Variants in VOPP1 observed in about 807,000 individuals in gnomAD.
VOPP1 encodes the protein WW domain binding protein VOPP1.
Under a neutral mutation model 23.5 loss-of-function variants are expected in VOPP1, and 8 were observed. The observed-to-expected ratio is 0.34, with a 90% CI of 0.20 to 0.61. The LOEUF is 0.61. VOPP1 is among the 20% of genes least tolerant of loss of function. The pLI is 0.78. For synonymous variants in VOPP1, 83 were observed against 97.3 expected (o/e 0.85, Z 0.86); for missense variants, 174 against 238.1 (o/e 0.73, Z 1.77).
At chr7:55,532,703 T>C (rs1796566519) in intron 1 of VOPP1, among the ~76,000 whole-genome samples, 1 of 152,212 alleles carries the variant, frequency 6.6e-6, no homozygotes, top group Non-Finnish European at 1.5e-5. Context: ...GCTCCTCCCC[T>C]TTCCATGGAA....
chr7:55,492,142 C>G (rs1331014991), intron 4 of VOPP1, 140 bp downstream of exon 4: 1 of 1,208,740 alleles, frequency 8.3e-7, no homozygotes, highest in Admixed American at 3.2e-5. Context: ...CACAATGGAG[C>G]TGGTCATCAG....
rs1791937162 is a variant in VOPP1, at chr7:55,472,943, G to A, written c.431C>T (p.Ser144Leu). ...MAMAFQVPPN[S>L]PQGSVACPPP... ...CGGGCAGGCCACACTCCCCTGGGGT[G>A]AGTTGGGTGGGACCTGGAAAGCCAT... The change falls in exon 5 of 5, where the codon TCA becomes TTA. Residue 144 changes from serine to leucine, a missense_variant. Coordinates refer to ENST00000285279, the MANE Select transcript of VOPP1 (RefSeq NM_030796.5). The A allele has an allele frequency of 1.9e-6, 3 of 1,584,614 alleles. No individual in the cohort carries two copies. Among genetic ancestry groups the A allele is most frequent in the Non-Finnish European group, 2.6e-6 (3 of 1,168,926 alleles).
chr7:55,535,373 G>A (rs972183946), intron 1 of VOPP1, among the ~76,000 whole-genome samples: 2 of 152,214 alleles, frequency 1.3e-5, no homozygotes, highest in Non-Finnish European at 2.9e-5. Flanking sequence ...GCAAAGCTCA[G>A]TGAGCTCAGA....
Position 55,444,438 on chromosome 7 carries a change from C to T in VOPP1, n.418-8264G>A, listed in dbSNP as rs903563982. Among the ~76,000 whole-genome samples, 3 of 152,140 alleles carry T rather than the reference C, an allele frequency of 2.0e-5. No homozygotes were observed. The East Asian group carries it at 5.8e-4, about 29-fold the overall frequency. ...TGAGTCCCTATGACATGGCAAGGAT[C>T]CAAGAGAGTCCAAGGCAGAAATTGC... On this transcript the variant is annotated intron_variant and non_coding_transcript_variant, in intron 4 of 4. Coordinates refer to the VOPP1 transcript ENST00000462326.
intron 1 of VOPP1, among the ~76,000 whole-genome samples, chr7:55,523,522 C>T (rs552537347): frequency 1.3e-5 from 2 of 152,278 alleles, no homozygotes; most frequent in Admixed American, 1.3e-4. Flanking sequence ...GCAAGCCTGG[C>T]TGCTGAAACT....
chr7:55,502,990 C>T (rs1794472642), intron 2 of VOPP1, among the ~76,000 whole-genome samples: 1 of 152,204 alleles, frequency 6.6e-6, no homozygotes, highest in South Asian at 2.1e-4. Flanking sequence ...CTGAAATACA[C>T]ATGATACTTC....
rs145094696 is a variant in VOPP1 at position 55,544,702 on chromosome 7, G to A, written c.55-23572C>T. 2.4e-4 allele frequency among the ~76,000 whole-genome samples: 37 copies of A among 152,172 alleles called. No individual in the cohort carries two copies. The East Asian group carries it at 6.4e-3, about 26-fold the overall frequency. ...CTGGAGAGTGTTGTTGAAGGCTTCC[G>A]CAGAGTTGGTGGAGAGCAGAGTTGG... is the stretch of plus-strand genomic sequence containing the variant. On this transcript the variant is annotated intron_variant, in intron 1 of 4. Coordinates refer to ENST00000285279, the MANE Select transcript of VOPP1 (RefSeq NM_030796.5).
At chr7:55,462,027 TG>T (rs1791513023) in intron 4 of VOPP1, among the ~76,000 whole-genome samples, 1 of 152,244 alleles carries the variant, frequency 6.6e-6, no homozygotes. Flanking sequence ...GCTGGTATAG[TG>T]GTGATGAATG....
chr7:55,475,161 T>G (rs1253552269), intron 4 of VOPP1, among the ~76,000 whole-genome samples: 1 of 152,096 alleles, frequency 6.6e-6, no homozygotes, highest in Middle Eastern at 3.2e-3. Flanking sequence ...CTTGCGCATA[T>G]GGGCAGGGGT....
intron 4 of VOPP1, among the ~76,000 whole-genome samples, chr7:55,449,687 G>A (rs979505481): frequency 2.0e-5 from 3 of 152,182 alleles, no homozygotes; most frequent in Non-Finnish European, 4.4e-5. Context: ...GGTTCCTGCA[G>A]AGGCGTTCTG....
At chr7:55,538,061 G>A (rs1204239738) in intron 1 of VOPP1, among the ~76,000 whole-genome samples, 1 of 152,182 alleles carries the variant, frequency 6.6e-6, no homozygotes, top group East Asian at 1.9e-4. Flanking sequence ...ACACTAAGCT[G>A]CCCTCTGCCT....
At chr7:55,537,788 G>T in intron 1 of VOPP1, 2 of 1,189,062 alleles carry the variant, frequency 1.7e-6, no homozygotes, top group Non-Finnish European at 2.2e-6. Flanking sequence ...CAAGGAACAT[G>T]CACTTCCCAC....
intron 2 of VOPP1, among the ~76,000 whole-genome samples, chr7:55,510,485 T>C (rs542232696): frequency 6.6e-6 from 1 of 152,262 alleles, no homozygotes; most frequent in East Asian, 1.9e-4. Flanking sequence ...TTCATTATTT[T>C]GTCATGCTTT....
intron 1 of VOPP1, among the ~76,000 whole-genome samples, chr7:55,522,619 A>G (rs1795938597): frequency 6.6e-6 from 1 of 152,194 alleles, no homozygotes; most frequent in South Asian, 2.1e-4. Flanking sequence ...ACCGACAGCC[A>G]AACATTCCTG....
At chr7:55,534,770 T>C (rs1796686168) in intron 1 of VOPP1, among the ~76,000 whole-genome samples, 1 of 152,144 alleles carries the variant, frequency 6.6e-6, no homozygotes, top group African/African-American at 2.4e-5. Context: ...ACACCAGACA[T>C]CCCTACAGCT....
chr7:55,505,656 AGGGAGGGAGGGAGGGAGGG>A (rs1794669206), intron 2 of VOPP1, among the ~76,000 whole-genome samples: 8 of 516 alleles, frequency 0.016, no homozygotes, highest in South Asian at 0.5. Context: ...GAAGGAAGGG[AGGGAGGGAGGGAGGGAGGG>A]AGGGAGGGAG....
chr7:55,560,628 G>A (rs2129056039), intron 1 of VOPP1, among the ~76,000 whole-genome samples: 1 of 152,200 alleles, frequency 6.6e-6, no homozygotes, highest in Admixed American at 6.5e-5. Flanking sequence ...TAGGACTTCT[G>A]ACCTCCAGAG....
At chr7:55,469,937 C>T (rs190269250), downstream of VOPP1, among the ~76,000 whole-genome samples, 5 of 152,102 alleles carry the variant, frequency 3.3e-5, no homozygotes, top group African/African-American at 4.8e-5. Flanking sequence ...TGTAATCCCA[C>T]GGCTTTGGGA....
Position 55,493,934 on chromosome 7 carries a change from T to A in VOPP1, c.192-1516A>T, listed in dbSNP as rs565417859. Among the ~76,000 whole-genome samples the A allele has an allele frequency of 2.8e-4, 43 of 152,308 alleles. 1 individual carries two copies. Among genetic ancestry groups the A allele is most frequent in the Middle Eastern group, 6.8e-3 (2 of 294 alleles). ...GGGTATCTGTGGTGGTGAGCAAGAC[T>A]GGGAACACTGCATTTCTTTTAGTGA... is the stretch of plus-strand genomic sequence containing the variant. On this transcript the variant is annotated intron_variant, in intron 3 of 4. Transcript: ENST00000285279.
Sources: allele counts gnomAD v4.1 joint callset (sites outside exome capture counted in the v4.1 genomes callset), GRCh38; gene constraint gnomAD v4.1.1; transcripts MANE v1.5; gene names NCBI Gene and HGNC (gene_info 2026-07-23, HGNC 2026-07-21).